Variants in MAX observed in about 807,000 individuals in gnomAD.
MAX encodes the protein protein max.
Under a neutral mutation model 22.3 loss-of-function variants are expected in MAX, and 3 were observed. The observed-to-expected ratio is 0.13, with a 90% CI of 0.06 to 0.35. The LOEUF (loss-of-function observed/expected upper bound fraction) is 0.35. Ranked by LOEUF, MAX falls within the 10% of genes least tolerant of loss-of-function variation. MAX has a pLI of 1.00. For synonymous variants in MAX, 72 were observed against 77.7 expected (o/e 0.93, Z 0.39); for missense variants, 119 against 209.4 (o/e 0.57, Z 2.66).
chr14:65,057,750 A>G (rs2062769839), intron 3 of MAX, among the ~76,000 whole-genome samples: 1 of 152,206 alleles, frequency 6.6e-6, no homozygotes, highest in East Asian at 1.9e-4. Context: ...AGGCTTGGAT[A>G]TAATGTTATC....
At position 65,084,136 on chromosome 14, in the gene MAX, GC is replaced by G; in HGVS notation, c.172-6101del. The G allele has an allele frequency of 1.2e-6, 2 of 1,610,304 alleles. No homozygotes were observed. The highest frequency in any genetic ancestry group is 1.7e-6 in the Non-Finnish European group (2 of 1,177,626). On this transcript the variant is annotated intron_variant, in intron 3 of 4. Transcript: ENST00000358664. This position sits in a 1 kb window ranked among gnomAD's most constrained non-coding sequence, Gnocchi z 4.3. Reference sequence around the variant, plus strand: ...TCAGCCCTCAAGCAGCTTAATTAAAGCCAGGAGTAAGACATTTGTGTAAGGG... The same window carrying G: ...TCAGCCCTCAAGCAGCTTAATTAAAGCAGGAGTAAGACATTTGTGTAAGGG...
In MAX at chr14:65,077,860, T is replaced by C. The variant is rs1307737540; in HGVS notation, c.295+53A>G. ...CTCTGCAGGCCCAGGTGCCAAAGCC[T>C]GACCTGGCTGGAGCACAGCAGGGCC... On this transcript the variant is annotated intron_variant, in intron 4 of 4. Transcript: ENST00000358664. This position sits in a 1 kb window ranked among gnomAD's most constrained non-coding sequence, Gnocchi z 6.3. The C allele has an allele frequency of 6.2e-7, 1 of 1,614,208 alleles. No homozygotes were observed. The highest frequency in any genetic ancestry group is 1.7e-5 in the Admixed American group (1 of 60,034).
intron 3 of MAX, among the ~76,000 whole-genome samples, chr14:65,008,212 C>T (rs2061626358): frequency 2.0e-5 from 3 of 152,220 alleles, no homozygotes. Flanking sequence ...AGAAAGTCCC[C>T]AGGAACCAGC....
In MAX at chr14:65,102,461, TCACTCGCTCTCTCACTCACA is replaced by T; in HGVS notation, c.-142_-123del. ...CCCACACACACACTCACTCACTCAC[TCACTCGCTCTCTCACTCACA>T]CACACACACAACACGGGCAAGAACC... On this transcript the variant is annotated 5_prime_UTR_variant, in exon 1 of 5. Transcript: ENST00000358664. The T allele has an allele frequency of 6.5e-7, 1 of 1,528,268 alleles. No individual in the cohort carries two copies. The highest frequency in any genetic ancestry group is 8.8e-7 in the Non-Finnish European group (1 of 1,139,298). 94.7% of individuals were successfully genotyped at this position (1,528,268 alleles called of 1,614,324 possible).
chr14:65,013,413 C>T (rs902155034), intron 3 of MAX, among the ~76,000 whole-genome samples: 3 of 151,594 alleles, frequency 2.0e-5, no homozygotes, highest in Admixed American at 6.6e-5. Context: ...ACCAGTTAAA[C>T]AATACACATC....
rs186938615 is a variant in MAX at position 65,076,109 on chromosome 14, G to A, written c.*367C>T. Reference sequence around the variant, plus strand: ...CACCTGGGCAGGGCAGGCGTCCCCCGGGCATGTGCCCGGCAGGGCTGGAGG... The same window carrying A: ...CACCTGGGCAGGGCAGGCGTCCCCCAGGCATGTGCCCGGCAGGGCTGGAGG... On this transcript the variant is annotated 3_prime_UTR_variant, in exon 5 of 5. Transcript: ENST00000358664. The surrounding 1 kb of genome is among the most constrained non-coding windows in gnomAD (Gnocchi z 6.6). 130 of 1,278,170 alleles carry A rather than the reference G, an allele frequency of 1.0e-4. 1 individual carries two copies. The East Asian group carries it at 2.0e-3, about 20-fold the overall frequency. 79.2% of individuals were successfully genotyped at this position (1,278,170 alleles called of 1,614,324 possible).
chr14:65,097,083 A>C (rs2063695429), intron 2 of MAX, among the ~76,000 whole-genome samples: 1 of 152,202 alleles, frequency 6.6e-6, no homozygotes, highest in African/African-American at 2.4e-5. Context: ...CAGCTTTGAC[A>C]TCTCTGCCAA....
intron 3 of MAX, among the ~76,000 whole-genome samples, chr14:65,066,918 G>C (rs1328773106): frequency 1.3e-5 from 2 of 149,772 alleles, no homozygotes; most frequent in Non-Finnish European, 3.0e-5. Context: ...GCTCATGACT[G>C]TAATCCCAAC....
At chr14:65,043,526 T>G (rs893624114) in intron 3 of MAX, among the ~76,000 whole-genome samples, 1 of 152,056 alleles carries the variant, frequency 6.6e-6, no homozygotes. Context: ...GATCATCTGA[T>G]GAAATGTAGT....
At chr14:65,094,037 C>A in intron 2 of MAX, 1 of 585,078 alleles carries the variant, frequency 1.7e-6, no homozygotes, top group South Asian at 1.9e-5. Flanking sequence ...CAAAGTAGCT[C>A]GATGCATCCA....
chr14:65,082,526 G>A lies in MAX; in HGVS notation c.172-4490C>T, dbSNP rs2063224139. The stretch of plus-strand genomic sequence containing the variant: ...TGCCTGTAATCCCAGCACCCTGGGA[G>A]GCTGAGGTGGGAGGATCACTAGGGC... On this transcript the variant is annotated intron_variant, in intron 3 of 4. Transcript: ENST00000358664. This position sits in a 1 kb window ranked among gnomAD's most constrained non-coding sequence, Gnocchi z 4.8. The A allele has an allele frequency of 6.6e-6, 1 of 152,312 alleles. No homozygotes were observed. Among genetic ancestry groups the A allele is most frequent in the African/African-American group, 2.4e-5 (1 of 41,456 alleles). The allele number at this position is 152,312 out of a possible 1,614,324, so 9.4% of individuals were successfully genotyped here.
At position 65,069,869 on chromosome 14, in the gene MAX, C is replaced by T. The variant is rs1357134011; in HGVS notation, c.171+23839G>A. ...GGTCCTTCCTCTCCAAAGTCTCCTA[C>T]AGCCTTGCTGCAGTAGGTATTCGCT... is the stretch of plus-strand genomic sequence containing the variant. On this transcript the variant is annotated intron_variant, in intron 3 of 3. Transcript: ENST00000341653. This position sits in a 1 kb window ranked among gnomAD's most constrained non-coding sequence, Gnocchi z 4.6. Among the ~76,000 whole-genome samples the T allele has an allele frequency of 1.3e-5, 2 of 152,260 alleles. No homozygotes were observed. Among genetic ancestry groups the T allele is most frequent in the Admixed American group, 6.5e-5 (1 of 15,290 alleles).
At position 65,031,824 on chromosome 14, in the gene MAX, T is replaced by G. The variant is rs1595059989; in HGVS notation, c.172-25540A>C. Among the ~76,000 whole-genome samples, 1 of 152,068 alleles carries G rather than the reference T, an allele frequency of 6.6e-6. No homozygotes were observed. The highest frequency in any genetic ancestry group is 2.0e-4 in the East Asian group (1 of 5,102). Reference sequence around the variant, plus strand: ...TAATCCCAGCTACTTGGGAGGCTGATACAGGAGAATTGCTTGAACCCAGGA... The same window carrying G: ...TAATCCCAGCTACTTGGGAGGCTGAGACAGGAGAATTGCTTGAACCCAGGA... On this transcript the variant is annotated intron_variant, in intron 3 of 3. Coordinates refer to the MAX transcript ENST00000341653. This position sits in a 1 kb window ranked among gnomAD's most constrained non-coding sequence, Gnocchi z 4.6.
At chr14:65,042,892 A>G (rs560063273) in intron 3 of MAX, among the ~76,000 whole-genome samples, 1 of 152,304 alleles carries the variant, frequency 6.6e-6, no homozygotes, top group African/African-American at 2.4e-5. Flanking sequence ...TTTAAGATCA[A>G]CCGAGGATAT....
intron 3 of MAX, among the ~76,000 whole-genome samples, chr14:65,080,733 T>C (rs923222484): frequency 6.6e-6 from 1 of 152,232 alleles, no homozygotes; most frequent in Non-Finnish European, 1.5e-5. Flanking sequence ...CAACTAATAG[T>C]TCCCAGAAGG....
chr14:65,049,087 G>A (rs531510561), intron 3 of MAX, among the ~76,000 whole-genome samples: 405 of 150,554 alleles, frequency 2.7e-3, no homozygotes, highest in Non-Finnish European at 4.3e-3. Context: ...AGATCGCGCC[G>A]TTGCACTCCA....
Position 65,082,102 on chromosome 14 carries a change from G to A in MAX, c.172-4066C>T, listed in dbSNP as rs1055707191. ...TCCCTATTTTATAAATGAGGAAACC[G>A]AGACACAGAGCTGTAATTTACCCAA... On this transcript the variant is annotated intron_variant, in intron 3 of 4. Coordinates refer to ENST00000358664, the MANE Select transcript of MAX (RefSeq NM_002382.5). This position sits in a 1 kb window ranked among gnomAD's most constrained non-coding sequence, Gnocchi z 4.8. 6 of 152,150 alleles carry A rather than the reference G, an allele frequency of 3.9e-5. No homozygotes were observed. The highest frequency in any genetic ancestry group is 9.7e-5 in the African/African-American group (4 of 41,432). 9.4% of individuals were successfully genotyped at this position (152,150 alleles called of 1,614,324 possible). A position where few individuals can be genotyped will look rare whatever the true frequency, so the allele number is the denominator to read the frequency against.
chr14:65,042,303 A>G (rs1419578949), intron 3 of MAX, among the ~76,000 whole-genome samples: 1 of 152,192 alleles, frequency 6.6e-6, no homozygotes, highest in East Asian at 1.9e-4. Flanking sequence ...ACAACTCACC[A>G]TAATGTAGAA....
chr14:65,056,604 G>T (rs1339936397), intron 3 of MAX, among the ~76,000 whole-genome samples: 2 of 152,166 alleles, frequency 1.3e-5, no homozygotes, highest in Admixed American at 6.5e-5. Context: ...TCAAATGTTT[G>T]TTGGCCATTT....
Sources: gnomAD v4.1 joint callset for allele counts (sites outside exome capture counted in the v4.1 genomes callset) on GRCh38, gnomAD v4.1.1 for gene constraint, Gnocchi (gnomAD v3.1) non-coding constraint, MANE v1.5 for transcripts, NCBI Gene and HGNC (gene_info 2026-07-23, HGNC 2026-07-21) for gene names.